The following XPR1 variants were observed in gnomAD, a reference collection of about 807,000 sequenced individuals.
XPR1 encodes xenotropic and polytropic retrovirus receptor 1, also known as solute carrier family 53 member 1.
XPR1 carries 28 observed loss-of-function variants against 87.5 expected under a neutral mutation model. The ratio of observed to expected loss-of-function variants is 0.32; its 90% confidence interval spans 0.24 to 0.44. The LOEUF (loss-of-function observed/expected upper bound fraction) is 0.44, where lower values mean the gene tolerates loss of function less well. Ranked by LOEUF, XPR1 falls within the 20% of genes least tolerant of loss-of-function variation. The pLI is 1.00. For synonymous variants in XPR1, 300 were observed against 306.1 expected (o/e 0.98, Z 0.21); for missense variants, 559 against 862.3 (o/e 0.65, Z 4.41).
At chr1:180,880,372 C>A in intron 14 of XPR1, 75 bp downstream of exon 14, 1 of 1,548,168 alleles carries the variant, frequency 6.5e-7, no homozygotes, top group Non-Finnish European at 8.8e-7. Context: ...AGCTAAAAAG[C>A]TATCAGGTTG....
chr1:180,880,205 G>A lies in XPR1; in HGVS notation c.1938G>A (p.Met646Ile). ...ADDQTLLEQM[M>I]DQDDGVRNRQ... ...ATCAGACTCTCCTAGAACAGATGAT[G>A]GACCAGGATGATGGGGTACGAAACC... Residue 646 changes from methionine to isoleucine, a missense_variant, in exon 14 of 15, where the codon ATG becomes ATA. Transcript: ENST00000367590. The A allele has an allele frequency of 6.2e-7, 1 of 1,614,172 alleles. No individual in the cohort carries two copies. Among genetic ancestry groups the A allele is most frequent in the Non-Finnish European group, 8.5e-7 (1 of 1,180,044 alleles).
At chr1:180,863,585 C>T (rs1004504138) in intron 11 of XPR1, 123 bp from the exon 12 acceptor site, 2 of 755,314 alleles carry the variant, frequency 2.6e-6, no homozygotes, top group Admixed American at 6.6e-5. Context: ...TTCCTACGAT[C>T]TGTTTAAAGC....
chr1:180,771,613 CTG>C (rs1648516553), intron 2 of XPR1, among the ~76,000 whole-genome samples: 1 of 152,154 alleles, frequency 6.6e-6, no homozygotes, highest in African/African-American at 2.4e-5. Context: ...ATCCTTCACT[CTG>C]TGACACTTCC....
chr1:180,782,138 G>GT, intron 2 of XPR1, among the ~76,000 whole-genome samples: 1 of 150,900 alleles, frequency 6.6e-6, no homozygotes, highest in South Asian at 2.1e-4. Flanking sequence ...TTCTTTACCT[G>GT]TTTTTTATTT....
intron 2 of XPR1, among the ~76,000 whole-genome samples, chr1:180,705,100 G>T (rs1292295747): frequency 6.6e-6 from 1 of 151,982 alleles, no homozygotes; most frequent in Admixed American, 6.6e-5. Context: ...AAACTGCGAT[G>T]ATTTTAAGCA....
In XPR1 at chr1:180,756,359, C is replaced by T. The variant is rs553613570; in HGVS notation, c.122-31394C>T. 2.6e-5 allele frequency among the ~76,000 whole-genome samples: 4 copies of T among 152,288 alleles called. No homozygotes were observed. The East Asian group carries it at 5.8e-4, about 22-fold the overall frequency. ...GAGGATATGACGTGATATCTCATTG[C>T]AGTTTTTATTTGCATTTATCGTCTG... On this transcript the variant is annotated intron_variant, in intron 2 of 14. Coordinates refer to ENST00000367590, the MANE Select transcript of XPR1 (RefSeq NM_004736.4).
intron 1 of XPR1, among the ~76,000 whole-genome samples, chr1:180,663,984 T>G (rs933399059): frequency 3.9e-5 from 6 of 152,002 alleles, no homozygotes; most frequent in Non-Finnish European, 8.8e-5. Context: ...GCGCTCTTCA[T>G]TTAGTTTGTG....
At chr1:180,866,382 A>G (rs1231159520) in intron 12 of XPR1, among the ~76,000 whole-genome samples, 3 of 152,220 alleles carry the variant, frequency 2.0e-5, no homozygotes, top group Admixed American at 6.5e-5. Flanking sequence ...ATCAGTTCTT[A>G]GGAATGCATA....
chr1:180,686,370 G>C (rs1656777057), intron 2 of XPR1, among the ~76,000 whole-genome samples: 1 of 152,092 alleles, frequency 6.6e-6, no homozygotes, highest in South Asian at 2.1e-4. Context: ...TATAATTTCT[G>C]TTCTTTTACA....
At chr1:180,755,224 CAGTG>C (rs1647687614) in intron 2 of XPR1, among the ~76,000 whole-genome samples, 1 of 152,180 alleles carries the variant, frequency 6.6e-6, no homozygotes, top group African/African-American at 2.4e-5. Flanking sequence ...ATCCCAATAA[CAGTG>C]AGCACACTCA....
At position 180,669,101 on chromosome 1, in the gene XPR1, A is replaced by T. The variant is rs1656065843; in HGVS notation, c.70-13259A>T. On this transcript the variant is annotated intron_variant, in intron 1 of 14. Coordinates refer to ENST00000367590, the MANE Select transcript of XPR1 (RefSeq NM_004736.4). ...CGAAACTCTGTCTAAAAAAAAAAAAAAAAAAAATCTATTGAGGCTTAATTT... is the reference window on the plus strand; with the variant it reads ...CGAAACTCTGTCTAAAAAAAAAAAATAAAAAAATCTATTGAGGCTTAATTT... Among the ~76,000 whole-genome samples, 3 of 152,142 alleles carry T rather than the reference A, an allele frequency of 2.0e-5. No homozygotes were observed. In the South Asian group the frequency reaches 6.2e-4, roughly 32 times the overall value.
chr1:180,758,959 A>G (rs1647873040), intron 2 of XPR1: 1 of 152,302 alleles, frequency 6.6e-6, no homozygotes, highest in African/African-American at 2.4e-5. Flanking sequence ...AGGACTAAGA[A>G]ACTCACTCAA....
At chr1:180,638,029 CTG>C (rs1218832461) in intron 1 of XPR1, among the ~76,000 whole-genome samples, 2 of 151,718 alleles carry the variant, frequency 1.3e-5, no homozygotes, top group Admixed American at 6.6e-5. Flanking sequence ...CTTTGAAACA[CTG>C]TATCATAAAA....
chr1:180,713,231 A>G (rs910252519), intron 2 of XPR1, among the ~76,000 whole-genome samples: 5 of 151,818 alleles, frequency 3.3e-5, no homozygotes, highest in Non-Finnish European at 5.9e-5. Context: ...TAAGTATTCA[A>G]TTTTTTTTGA....
At chr1:180,729,609 T>C (rs1319887533) in intron 2 of XPR1, among the ~76,000 whole-genome samples, 1 of 152,222 alleles carries the variant, frequency 6.6e-6, no homozygotes, top group Non-Finnish European at 1.5e-5. Flanking sequence ...TGGTGTGAGA[T>C]GGTATCTCAT....
chr1:180,844,362 T>G (rs1224947585), intron 11 of XPR1, among the ~76,000 whole-genome samples: 3 of 152,102 alleles, frequency 2.0e-5, no homozygotes. Flanking sequence ...AAAGCTATGG[T>G]GAAAAGTATA....
chr1:180,788,137 A>G (rs1649249261), intron 3 of XPR1, among the ~76,000 whole-genome samples: 2 of 152,196 alleles, frequency 1.3e-5, no homozygotes, highest in South Asian at 4.1e-4. Flanking sequence ...CAAAGCTTGA[A>G]GAGTCAGAAA....
At chr1:180,773,906 A>T (rs1381641123) in intron 2 of XPR1, among the ~76,000 whole-genome samples, 3 of 152,184 alleles carry the variant, frequency 2.0e-5, no homozygotes, top group Non-Finnish European at 4.4e-5. Flanking sequence ...GAAAATAGAG[A>T]TTTTACCACT....
intron 1 of XPR1, among the ~76,000 whole-genome samples, chr1:180,637,797 G>T (rs573140562): frequency 3.9e-5 from 6 of 152,084 alleles, no homozygotes; most frequent in Non-Finnish European, 5.9e-5. Context: ...CACGTGATCC[G>T]CCTGCCTCAG....
Sources: gnomAD v4.1 joint callset for allele counts (sites outside exome capture counted in the v4.1 genomes callset) on GRCh38, gnomAD v4.1.1 for gene constraint, MANE v1.5 for transcripts, NCBI Gene and HGNC (gene_info 2026-07-23, HGNC 2026-07-21) for gene names.